The following RBFA variants were observed in gnomAD, a reference collection of about 807,000 sequenced individuals.
The protein encoded by RBFA is putative ribosome-binding factor A, mitochondrial.
A neutral mutation model predicts 27.9 loss-of-function variants in RBFA; 16 were observed. The ratio of observed to expected loss-of-function variants is 0.57; its 90% CI spans 0.39 to 0.87. The LOEUF is 0.87. Ranked by LOEUF, RBFA falls within the 40% of genes least tolerant of loss-of-function variation. The pLI is 0.00. For missense variants in RBFA, 456 were observed against 432.1 expected (o/e 1.06, Z -0.49); for synonymous variants, 181 against 181.0 (o/e 1.00, Z 0.00).
rs576765066 is a variant in RBFA at position 80,050,197 on chromosome 18, G to A, written c.*4042G>A. 6.6e-6 allele frequency among the ~76,000 whole-genome samples: 1 copy of A among 152,264 alleles called. No individual in the cohort carries two copies. Among genetic ancestry groups the A allele is most frequent in the Non-Finnish European group, 1.5e-5 (1 of 68,026 alleles). ...GAGGGGACAACAGGGCAGGGAGAAG[G>A]GACAGAGCTAGAGGAAGGACAGGCC... On this transcript the variant is annotated 3_prime_UTR_variant, in exon 7 of 7. Transcript: ENST00000306735.
At chr18:80,034,781 G>A (rs548109055) in intron 1 of RBFA, 128 bp downstream of exon 1, 8 of 1,145,152 alleles carry the variant, frequency 7.0e-6, no homozygotes, top group Non-Finnish European at 9.8e-6. Context: ...GCCTCCTGGG[G>A]TCTGCAGCAG....
rs1568391910 is a variant in RBFA at position 80,048,883 on chromosome 18, C to CA, written c.*2728_*2729insA. ...GTTTGCAGGGGATCCAACCAGGCGT[C>CA]GGCTCAGTGCCTCCTAGAAAGTGGA... On this transcript the variant is annotated 3_prime_UTR_variant, in exon 7 of 7. Transcript: ENST00000306735. Among the ~76,000 whole-genome samples, 2 of 149,596 alleles carry CA rather than the reference C, an allele frequency of 1.3e-5. No homozygotes were observed. The highest frequency in any genetic ancestry group is 5.0e-5 in the African/African-American group (2 of 39,686).
At chr18:80,044,716 G>A (rs1457552061) in intron 6 of RBFA, among the ~76,000 whole-genome samples, 1 of 152,212 alleles carries the variant, frequency 6.6e-6, no homozygotes, top group Non-Finnish European at 1.5e-5. Context: ...TGGGAGAGCA[G>A]GTCGGGGGCG....
At chr18:80,034,718 G>A in intron 1 of RBFA, 65 bp downstream of exon 1, 4 of 1,579,480 alleles carry the variant, frequency 2.5e-6, no homozygotes, top group South Asian at 2.3e-5. Context: ...CCCGGGTTGC[G>A]GTGTCCGCTC....
intron 3 of RBFA, 102 bp from the exon 4 acceptor site, chr18:80,038,403 G>A (rs1442968281): frequency 1.3e-6 from 1 of 769,942 alleles, no homozygotes; most frequent in Non-Finnish European, 2.2e-6. Flanking sequence ...CCTGGCTTGG[G>A]TGGGAGGGGC....
rs539251959 is a variant in RBFA at position 80,037,752 on chromosome 18, G to T, written c.378+246G>T. Among the ~76,000 whole-genome samples, 46 of 152,310 alleles carry T rather than the reference G, an allele frequency of 3.0e-4. 1 individual carries two copies. The South Asian group carries it at 9.5e-3, about 32-fold the overall frequency. ...AAAATACAAAAACTTAGCCGGGCAT[G>T]GTGGCGGGCGCCTGTAGTCCCAGCT... On this transcript the variant is annotated intron_variant, in intron 3 of 6. Transcript: ENST00000306735.
rs774068926 is a variant in RBFA, at chr18:80,046,080, C to T, written c.957C>T (p.Asp319=). 3 of 1,613,976 alleles carry T rather than the reference C, an allele frequency of 1.9e-6. No homozygotes were observed. The highest frequency in any genetic ancestry group is 2.7e-5 in the African/African-American group (2 of 74,908). ...GAPEYECYAP[D]TEELEAERGG... ...CGGAGTACGAATGCTATGCCCCGGA[C>T]ACAGAGGAGTTGGAGGCAGAGAGAG... The change falls in exon 7 of 7, where the codon GAC becomes GAT. Residue 319 remains aspartate, a synonymous_variant. Transcript: ENST00000306735.
At position 80,037,403 on chromosome 18, in the gene RBFA, G is replaced by A. The variant is rs1300346410; in HGVS notation, c.275G>A (p.Arg92His). The change falls in exon 3 of 7, where the codon CGC (arginine) becomes CAC (histidine). Residue 92 changes from arginine (R) to histidine (H), a missense_variant. Coordinates refer to ENST00000306735, the MANE Select transcript of RBFA (RefSeq NM_024805.3). ...SKKTRKEDHARLRALNGLLYK... is the reference protein window; with the variant it reads ...SKKTRKEDHAHLRALNGLLYK... ...AAAACCAGGAAGGAAGACCATGCGCGCCTGAGGGCCCTGAACGGCCTCCTC... is the reference window on the plus strand; with the variant it reads ...AAAACCAGGAAGGAAGACCATGCGCACCTGAGGGCCCTGAACGGCCTCCTC... 10 of 1,614,106 alleles carry A rather than the reference G, an allele frequency of 6.2e-6. No homozygotes were observed. The highest frequency in any genetic ancestry group is 8.5e-6 in the Non-Finnish European group (10 of 1,180,012).
In RBFA at chr18:80,045,832, T is replaced by C. The variant is rs762654015; in HGVS notation, c.709T>C (p.Cys237Arg). Residue 237 changes from cysteine (C) to arginine (R), a missense_variant, in exon 7 of 7, where the codon TGT (cysteine) becomes CGT (arginine). Physicochemically the swap from Cys to Arg is radical, Grantham distance 180. Coordinates refer to ENST00000306735, the MANE Select transcript of RBFA (RefSeq NM_024805.3). Reference sequence around the variant, plus strand: ...AGAGCCGACCACAAGCTCCAGTCTGTGTGGGATCGATCATGAGGCGCTCAA... The same window carrying C: ...AGAGCCGACCACAAGCTCCAGTCTGCGTGGGATCGATCATGAGGCGCTCAA... The part of the protein sequence containing the change: ...TTEPTTSSSL[C>R]GIDHEALNKQ... 1.9e-6 allele frequency: 3 copies of C among 1,557,940 alleles called. No homozygotes were observed. The highest frequency in any genetic ancestry group is 2.3e-5 in the East Asian group (1 of 44,436).
chr18:80,035,438 G>C (rs1422836661), intron 1 of RBFA: 1 of 152,278 alleles, frequency 6.6e-6, no homozygotes, highest in Non-Finnish European at 1.5e-5. Context: ...AGTTTTGAGG[G>C]GTACTGGTCA....
At chr18:80,036,607 T>G in intron 1 of RBFA, 61 bp from the exon 2 acceptor site, 1 of 1,261,208 alleles carries the variant, frequency 7.9e-7, no homozygotes, top group Non-Finnish European at 1.2e-6. Context: ...ACCTCTTAAA[T>G]TAGCTTATGT....
At chr18:80,041,109 C>T (rs538285601) in intron 4 of RBFA, among the ~76,000 whole-genome samples, 1 of 152,168 alleles carries the variant, frequency 6.6e-6, no homozygotes, top group South Asian at 2.1e-4. Context: ...GGCTTCCCTG[C>T]ATCATTACCA....
At chr18:80,043,715 C>T (rs926004952) in intron 5 of RBFA, among the ~76,000 whole-genome samples, 1 of 152,174 alleles carries the variant, frequency 6.6e-6, no homozygotes, top group African/African-American at 2.4e-5. Context: ...GGGCCATTGC[C>T]ATGGTGTGGG....
In RBFA at chr18:80,034,434, A is replaced by G. The variant is rs1490275075; in HGVS notation, c.-62A>G. 10 of 1,386,018 alleles carry G rather than the reference A, an allele frequency of 7.2e-6. No individual in the cohort carries two copies. The highest frequency in any genetic ancestry group is 9.3e-6 in the Non-Finnish European group (10 of 1,070,292). The allele number at this position is 1,386,018 out of a possible 1,614,324, so 85.9% of individuals were successfully genotyped here. On this transcript the variant is annotated 5_prime_UTR_variant, in exon 1 of 7. Coordinates refer to ENST00000306735, the MANE Select transcript of RBFA (RefSeq NM_024805.3). The stretch of plus-strand genomic sequence containing the variant: ...GCCCACACGCCGCCACCCTCGCGTC[A>G]GTTGTCGCTCCGCGCCTGCGCCCGT...
intron 4 of RBFA, 76 bp from the exon 5 acceptor site, chr18:80,042,059 A>T (rs1016357196): frequency 7.3e-6 from 8 of 1,093,398 alleles, no homozygotes; most frequent in South Asian, 3.1e-5. Context: ...ATCTTGAATC[A>T]TATGTTCAGC....
chr18:80,040,059 G>A (rs1473946449), intron 4 of RBFA, among the ~76,000 whole-genome samples: 2 of 151,952 alleles, frequency 1.3e-5, no homozygotes, highest in South Asian at 2.1e-4. Flanking sequence ...ACAGACGCCC[G>A]CCACCATGCC....
rs537944611 is a variant in RBFA at position 80,047,889 on chromosome 18, G to A, written c.*1734G>A. On this transcript the variant is annotated 3_prime_UTR_variant, in exon 7 of 7. Coordinates refer to ENST00000306735, the MANE Select transcript of RBFA (RefSeq NM_024805.3). ...CAGGATAATGAGGTGATACTGCAGT[G>A]ACAAATGGCAAATCTCCCTGGCTTA... Among the ~76,000 whole-genome samples, 118 of 152,300 alleles carry A rather than the reference G, an allele frequency of 7.7e-4. No individual in the cohort carries two copies. The highest frequency in any genetic ancestry group is 1.2e-3 in the Non-Finnish European group (84 of 68,030).
chr18:80,042,582 A>G (rs2052023618), intron 5 of RBFA, among the ~76,000 whole-genome samples: 1 of 152,126 alleles, frequency 6.6e-6, no homozygotes, highest in Non-Finnish European at 1.5e-5. Flanking sequence ...TAGCCTGGCC[A>G]ATACGGTGAA....
Position 80,047,092 on chromosome 18 carries a change from C to T in RBFA, c.*937C>T, listed in dbSNP as rs1360354425. On this transcript the variant is annotated 3_prime_UTR_variant, in exon 7 of 7. Transcript: ENST00000306735. ...ATTCTCTCAATTCTGTCAGGTTCTG[C>T]ACTACGAGTCAGTGTCATCCCTCCA... The T allele has an allele frequency of 6.6e-6, 1 of 152,284 alleles. No individual in the cohort carries two copies. Among genetic ancestry groups the T allele is most frequent in the East Asian group, 1.9e-4 (1 of 5,202 alleles). The allele number at this position is 152,284 out of a possible 1,614,324, so 9.4% of individuals were successfully genotyped here.
Sources: gnomAD v4.1 joint callset for allele counts (sites outside exome capture counted in the v4.1 genomes callset) on GRCh38, gnomAD v4.1.1 for gene constraint, MANE v1.5 for transcripts, NCBI Gene and HGNC (gene_info 2026-07-23, HGNC 2026-07-21) for gene names.